The following POMP variants were observed in gnomAD, a reference collection of about 807,000 sequenced individuals.
POMP encodes the protein 2510048O06Rik.
In POMP, 12 loss-of-function variants were observed where a neutral mutation model predicts 20.6. The observed-to-expected ratio is 0.58, with a 90% confidence interval of 0.37 to 0.94. The LOEUF is 0.94. POMP is among the 40% of genes least tolerant of loss of function. POMP has a pLI of 0.01. For missense variants in POMP, 136 were observed against 161.1 expected (o/e 0.84, Z 0.84); for synonymous variants, 53 against 55.0 (o/e 0.96, Z 0.16).
At chr13:28,660,727 T>G (rs1006227015) in intron 1 of POMP, among the ~76,000 whole-genome samples, 5 of 152,186 alleles carry the variant, frequency 3.3e-5, no homozygotes, top group African/African-American at 1.2e-4. Flanking sequence ...CATGACTTCT[T>G]GTATGTAGGG....
chr13:28,664,696 TTCAAAC>T (rs1211289896), intron 3 of POMP, 127 bp downstream of exon 3: 2 of 626,198 alleles, frequency 3.2e-6, no homozygotes, highest in Admixed American at 5.9e-5. Context: ...AGGCGTTATT[TTCAAAC>T]CCCTTGTAGG....
chr13:28,660,750 A>G (rs149420450), intron 1 of POMP, among the ~76,000 whole-genome samples: 132 of 152,328 alleles, frequency 8.7e-4, no homozygotes, highest in African/African-American at 3.0e-3. Context: ...GTTGGAACCT[A>G]TTATGCAGGT....
chr13:28,662,710 G>A (rs1884367769), intron 2 of POMP, among the ~76,000 whole-genome samples: 1 of 152,206 alleles, frequency 6.6e-6, no homozygotes, highest in South Asian at 2.1e-4. Context: ...TTCCCAATTA[G>A]AGCATCCTCC....
intron 3 of POMP, among the ~76,000 whole-genome samples, chr13:28,667,709 A>G (rs1034401950): frequency 3.3e-5 from 5 of 152,204 alleles, no homozygotes; most frequent in Non-Finnish European, 7.3e-5. Context: ...AAATGACTTT[A>G]CCTCATTATA....
intron 3 of POMP, 104 bp downstream of exon 3, chr13:28,664,673 C>A: frequency 1.4e-6 from 1 of 736,266 alleles, no homozygotes; most frequent in South Asian, 1.8e-5. Flanking sequence ...AGGATTTGCC[C>A]ATGAAGAATA....
chr13:28,668,731 A>G (rs1483755113), intron 4 of POMP, among the ~76,000 whole-genome samples, 157 bp downstream of exon 4: 5 of 152,204 alleles, frequency 3.3e-5, no homozygotes, highest in Non-Finnish European at 7.3e-5. Context: ...ATAGAGGGAA[A>G]AAAGAAGTCA....
At chr13:28,659,211 G>C in intron 1 of POMP, 24 bp downstream of exon 1, 1 of 1,585,262 alleles carries the variant, frequency 6.3e-7, no homozygotes, top group Non-Finnish European at 8.6e-7. Flanking sequence ...CGGGCGGCTG[G>C]AGTTCCACGC....
intron 3 of POMP, among the ~76,000 whole-genome samples, chr13:28,667,978 A>C (rs188277651): frequency 2.7e-4 from 41 of 152,350 alleles, no homozygotes; most frequent in African/African-American, 9.4e-4. Context: ...CCCCTGAGGC[A>C]AGTACCAAAA....
chr13:28,661,016 T>C (rs1884329964), intron 1 of POMP, among the ~76,000 whole-genome samples: 1 of 152,172 alleles, frequency 6.6e-6, no homozygotes, highest in Admixed American at 6.5e-5. Flanking sequence ...AAATCAAATA[T>C]ACAAACGAAT....
chr13:28,671,373 A>G (rs565276680), intron 4 of POMP, among the ~76,000 whole-genome samples: 2 of 152,018 alleles, frequency 1.3e-5, no homozygotes, highest in African/African-American at 2.4e-5. Context: ...TCAGATTTCA[A>G]CTACAGATTG....
rs181229777 is a variant in POMP, at chr13:28,673,061, G to A, written c.358+629G>A. ...TTCTACAGGTGATAAATAGGAAAGA[G>A]GAATCTGTCTTTTTTTTTTTTTTTT... On this transcript the variant is annotated intron_variant, in intron 5 of 5. Transcript: ENST00000380842. Among the ~76,000 whole-genome samples the A allele has an allele frequency of 1.3e-4, 20 of 150,518 alleles. No homozygotes were observed. In the East Asian group the frequency reaches 3.7e-3, roughly 28 times the overall value.
intron 5 of POMP, among the ~76,000 whole-genome samples, chr13:28,674,635 T>C (rs1792090): frequency 0.045 from 6,780 of 152,220 alleles, 509 homozygotes; most frequent in African/African-American, 0.15. Flanking sequence ...AACAGATGAA[T>C]CAGGGCCTAC....
chr13:28,662,780 C>T (rs1884369005), intron 2 of POMP, among the ~76,000 whole-genome samples: 1 of 152,152 alleles, frequency 6.6e-6, no homozygotes, highest in African/African-American at 2.4e-5. Flanking sequence ...TTTTTTGCTA[C>T]TGATAACTTA....
At chr13:28,675,081 T>C (rs1318136501) in intron 5 of POMP, among the ~76,000 whole-genome samples, 1 of 152,108 alleles carries the variant, frequency 6.6e-6, no homozygotes, top group Non-Finnish European at 1.5e-5. Flanking sequence ...TGGGCATCTT[T>C]TAAAATTCAT....
chr13:28,661,257 G>T (rs1046921303), intron 1 of POMP, among the ~76,000 whole-genome samples: 1 of 152,078 alleles, frequency 6.6e-6, no homozygotes, highest in Non-Finnish European at 1.5e-5. Flanking sequence ...TTGAGCACAG[G>T]AGTTTGAGAC....
rs114931344 is a variant in POMP at position 28,666,817 on chromosome 13, A to G, written c.163-1656A>G. On this transcript the variant is annotated intron_variant, in intron 3 of 5. Transcript: ENST00000380842. ...TCATCATTTGTACCAGTGGTTCTCA[A>G]CTAGGGGAGGATCATCCTCCTGCCC... Among the ~76,000 whole-genome samples the G allele has an allele frequency of 6.2e-3, 944 of 152,300 alleles. 10 individuals are homozygous for G. The highest frequency in any genetic ancestry group is 0.022 in the African/African-American group (910 of 41,560).
In POMP at chr13:28,678,842, A is replaced by T. The variant is rs1884676018; in HGVS notation, c.*740A>T. The T allele has an allele frequency of 6.6e-6, 1 of 152,260 alleles. No individual in the cohort carries two copies. 9.4% of individuals were successfully genotyped at this position (152,260 alleles called of 1,614,324 possible). A position where few individuals can be genotyped will look rare whatever the true frequency, so the allele number is the denominator to read the frequency against. On this transcript the variant is annotated 3_prime_UTR_variant, in exon 6 of 6. Transcript: ENST00000380842. ...AAGGTATTCTTTATGAAGTTGATAT[A>T]TAAAAATTTACATTTTTAGAACATT...
intron 1 of POMP, among the ~76,000 whole-genome samples, chr13:28,661,591 G>C (rs1403803421): frequency 6.6e-6 from 1 of 152,210 alleles, no homozygotes; most frequent in African/African-American, 2.4e-5. Context: ...TCAGTATCTA[G>C]CAGAGTACCT....
rs942979823 is a variant in POMP, at chr13:28,662,599, T to G, written c.101+92T>G. ...ATTTTGATAGGCTATACATGTGTAT[T>G]TAGTTGGCAGATGGCAAGTAATATA... On this transcript the variant is annotated intron_variant, in intron 2 of 5. Transcript: ENST00000380842. 7.3e-6 allele frequency: 8 copies of G among 1,097,076 alleles called. No individual in the cohort carries two copies. In the African/African-American group the frequency reaches 1.2e-4, roughly 17 times the overall value. The allele number at this position is 1,097,076 out of a possible 1,614,324, so 68.0% of individuals were successfully genotyped here.
Sources: gnomAD v4.1 joint callset for allele counts (sites outside exome capture counted in the v4.1 genomes callset) on GRCh38, gnomAD v4.1.1 for gene constraint, MANE v1.5 for transcripts, NCBI Gene and HGNC (gene_info 2026-07-23, HGNC 2026-07-21) for gene names.